The following GLB1 variants were observed in gnomAD, a reference collection of about 807,000 sequenced individuals.
The protein encoded by GLB1 is beta-galactosidase.
Under a neutral mutation model 74.0 loss-of-function variants are expected in GLB1, and 56 were observed. The ratio of observed to expected loss-of-function variants is 0.76; its 90% CI spans 0.61 to 0.94. GLB1 has a LOEUF of 0.94. GLB1 is among the 40% of genes least tolerant of loss of function. GLB1 has a pLI of 0.00. For synonymous variants in GLB1, 323 were observed against 323.6 expected (o/e 1.00, Z 0.02); for missense variants, 787 against 845.5 (o/e 0.93, Z 0.86).
chr3:32,975,634 A>T, the GLB1 span, among the ~76,000 whole-genome samples: 1 of 152,234 alleles, frequency 6.6e-6, no homozygotes, highest in African/African-American at 2.4e-5. Flanking sequence ...AAAGAGCAAC[A>T]AATATTTACA....
intron 15 of GLB1, among the ~76,000 whole-genome samples, chr3:33,006,066 A>G (rs541409625): frequency 1.1e-4 from 17 of 152,340 alleles, no homozygotes; most frequent in Admixed American, 9.1e-4. Context: ...GCTGCATAGG[A>G]TATTGACAGG....
At chr3:33,065,347 T>C in intron 5 of GLB1, 116 bp downstream of exon 5, 2 of 1,358,080 alleles carry the variant, frequency 1.5e-6, no homozygotes, top group South Asian at 2.5e-5. Context: ...TCTGTGGCAT[T>C]ACCTCTTAAA....
Position 33,018,463 on chromosome 3 carries a change from A to G in GLB1, c.1332T>C (p.Tyr444=). The G allele has an allele frequency of 1.2e-6, 2 of 1,614,062 alleles. No individual in the cohort carries two copies. Among genetic ancestry groups the G allele is most frequent in the Non-Finnish European group, 1.7e-6 (2 of 1,180,012 alleles). The change falls in exon 13 of 16, where the codon TAT becomes TAC. Residue 444 remains tyrosine (Y), a synonymous_variant. Coordinates refer to ENST00000307363, the MANE Select transcript of GLB1 (RefSeq NM_000404.4). ...CGATTCTTACCCCATCCACAGCAAC[A>G]TATGCTCGATCGTGGACTCCATTGA... The part of the protein sequence containing the change: ...SPLNGVHDRA[Y]VAVDGIPQGV...
At chr3:32,979,607 C>T in the GLB1 span, among the ~76,000 whole-genome samples, 1 of 151,624 alleles carries the variant, frequency 6.6e-6, no homozygotes, top group Non-Finnish European at 1.5e-5. Flanking sequence ...AATCCCAGCA[C>T]TTTGGGAGGC....
At chr3:32,992,946 C>G (rs1696248415), downstream of GLB1, among the ~76,000 whole-genome samples, 1 of 152,198 alleles carries the variant, frequency 6.6e-6, no homozygotes, top group Non-Finnish European at 1.5e-5. Flanking sequence ...AGGCCAAAAC[C>G]CAGAAACCAC....
rs751596344 is a variant in GLB1, at chr3:33,093,430, G to A, written c.75+3581C>T. Reference sequence around the variant, plus strand: ...TGGCCCAGAGGAGCGACAGCCGTCCGCAGGACCGAGGCTTCTGAGTCGGAG... The same window carrying A: ...TGGCCCAGAGGAGCGACAGCCGTCCACAGGACCGAGGCTTCTGAGTCGGAG... On this transcript the variant is annotated intron_variant, in intron 1 of 15. Transcript: ENST00000307363. This position sits in a 1 kb window ranked among gnomAD's most constrained non-coding sequence, Gnocchi z 6.0. 62 of 1,613,944 alleles carry A rather than the reference G, an allele frequency of 3.8e-5. No individual in the cohort carries two copies. The highest frequency in any genetic ancestry group is 2.1e-4 in the South Asian group (19 of 91,070).
intron 13 of GLB1, 67 bp downstream of exon 13, chr3:33,018,381 A>G (rs1428080128): frequency 6.7e-7 from 1 of 1,488,472 alleles, no homozygotes; most frequent in East Asian, 2.5e-5. Context: ...ATGCTGTGTT[A>G]ACAAGTGCAG....
At chr3:33,081,688 G>A (rs111378412) in intron 1 of GLB1, among the ~76,000 whole-genome samples, 48 of 152,294 alleles carry the variant, frequency 3.2e-4, no homozygotes, top group African/African-American at 9.1e-4. Context: ...GCATGGGACC[G>A]CTTAACCATC....
chr3:32,978,979 C>CTT, the GLB1 span, among the ~76,000 whole-genome samples: 2 of 111,696 alleles, frequency 1.8e-5, no homozygotes, highest in Non-Finnish European at 1.9e-5. Context: ...TTCTTTCTTT[C>CTT]TTTTTTTTTT....
intron 3 of GLB1, 117 bp from the exon 4 acceptor site, chr3:33,068,407 T>G: frequency 7.3e-7 from 1 of 1,377,984 alleles, no homozygotes; most frequent in Non-Finnish European, 9.8e-7. Context: ...ACAAGGGGTA[T>G]TTGAGCTGGG....
chr3:32,991,292 C>T, the GLB1 span, among the ~76,000 whole-genome samples: 3 of 152,182 alleles, frequency 2.0e-5, no homozygotes, highest in Non-Finnish European at 2.9e-5. Flanking sequence ...GCTAAATGAA[C>T]CACTTAGCCA....
intron 11 of GLB1, among the ~76,000 whole-genome samples, chr3:33,022,564 A>AT (rs61013692): frequency 0.014 from 919 of 63,760 alleles, 107 homozygotes; most frequent in African/African-American, 0.043. Flanking sequence ...ACTGGTTAGG[A>AT]TTTTTTTTTT....
At chr3:33,074,890 C>T (rs758078311) in intron 1 of GLB1, among the ~76,000 whole-genome samples, 5 of 152,162 alleles carry the variant, frequency 3.3e-5, no homozygotes, top group African/African-American at 7.2e-5. Flanking sequence ...GCCTGAAATC[C>T]AACTGGCGAG....
chr3:33,038,087 C>T (rs1698355380), intron 10 of GLB1: 1 of 147,114 alleles, frequency 6.8e-6, no homozygotes, highest in African/African-American at 2.5e-5. Flanking sequence ...GCATATCTGC[C>T]ATATCTTTAA....
intron 5 of GLB1, among the ~76,000 whole-genome samples, chr3:33,060,972 T>A (rs11129542): frequency 6.6e-6 from 1 of 151,770 alleles, no homozygotes; most frequent in Non-Finnish European, 1.5e-5. Flanking sequence ...TCTATGTTAC[T>A]ACCAATTAGG....
intron 6 of GLB1, among the ~76,000 whole-genome samples, chr3:33,055,170 A>T (rs1184850181): frequency 1.3e-5 from 2 of 152,224 alleles, no homozygotes; most frequent in African/African-American, 4.8e-5. Flanking sequence ...AAGCTGGCAA[A>T]AGCCTCAGAC....
chr3:33,010,682 C>T (rs1199354868), intron 15 of GLB1, among the ~76,000 whole-genome samples: 1 of 152,068 alleles, frequency 6.6e-6, no homozygotes. Flanking sequence ...AAGGATAATG[C>T]CTTAGGTGTC....
At chr3:32,981,502 G>C in the GLB1 span, among the ~76,000 whole-genome samples, 1 of 151,594 alleles carries the variant, frequency 6.6e-6, no homozygotes, top group South Asian at 2.1e-4. Flanking sequence ...GACCGGGCAC[G>C]GTGGCTCACA....
intron 12 of GLB1, chr3:33,021,217 T>G (rs914262329): frequency 3.0e-6 from 1 of 329,428 alleles, no homozygotes; most frequent in Non-Finnish European, 5.8e-6. Context: ...ATAATTAAAC[T>G]GTCTGTTTTG....
Sources: gnomAD v4.1 joint callset for allele counts (sites outside exome capture counted in the v4.1 genomes callset) on GRCh38, gnomAD v4.1.1 for gene constraint, Gnocchi (gnomAD v3.1) non-coding constraint, MANE v1.5 for transcripts, NCBI Gene and HGNC (gene_info 2026-07-23, HGNC 2026-07-21) for gene names.